The following ATP8B4 variants were observed in gnomAD, a reference collection of about 807,000 sequenced individuals.
The protein encoded by ATP8B4 is ATPase phospholipid transporting 8B4 (putative), also known as probable phospholipid-transporting ATPase IM.
ATP8B4 carries 133 observed loss-of-function variants against 145.6 expected under a neutral mutation model. That is an observed-to-expected ratio of 0.91 (90% CI 0.79 to 1.05). ATP8B4 has a LOEUF of 1.05. Ranked by LOEUF, ATP8B4 falls within the 50% of genes least tolerant of loss-of-function variation. The pLI is 0.00. For missense variants in ATP8B4, 1,458 were observed against 1,425.2 expected, an observed-to-expected ratio of 1.02 and a Z score of -0.37; for synonymous variants, 507 against 492.9, an observed-to-expected ratio of 1.03 and a Z score of -0.38.
intron 14 of ATP8B4, among the ~76,000 whole-genome samples, chr15:49,936,776 CTTAG>C (rs1206186594): frequency 1.3e-5 from 2 of 151,970 alleles, no homozygotes; most frequent in Non-Finnish European, 2.9e-5. Flanking sequence ...AGAAAACAGT[CTTAG>C]TTAAATTTTG....
chr15:50,127,564 T>C (rs1028752206), intron 1 of ATP8B4, among the ~76,000 whole-genome samples: 4 of 152,200 alleles, frequency 2.6e-5, no homozygotes, highest in African/African-American at 4.8e-5. Flanking sequence ...TAGGCAAGAA[T>C]TGAGTCATGG....
intron 3 of ATP8B4, among the ~76,000 whole-genome samples, chr15:50,065,106 A>G (rs2053288113): frequency 6.6e-6 from 1 of 152,204 alleles, no homozygotes; most frequent in African/African-American, 2.4e-5. Flanking sequence ...AAGTGTTCTC[A>G]TCATAAAAAA....
intron 2 of ATP8B4, among the ~76,000 whole-genome samples, chr15:50,092,216 A>G (rs2055656135): frequency 6.6e-6 from 1 of 152,106 alleles, no homozygotes; most frequent in Non-Finnish European, 1.5e-5. Flanking sequence ...TTCAGCCTCA[A>G]AAGTATCTCG....
intron 23 of ATP8B4, chr15:49,896,170 A>T (rs1566944931): frequency 1.3e-5 from 2 of 151,974 alleles, no homozygotes; most frequent in South Asian, 4.2e-4. Context: ...TAAAATCAAG[A>T]CTCTGCTTTA....
At chr15:50,132,033 C>G (rs75693762) in intron 1 of ATP8B4, among the ~76,000 whole-genome samples, 83 of 96,278 alleles carry the variant, frequency 8.6e-4, no homozygotes, top group African/African-American at 2.8e-3. Context: ...GCCATTGTTT[C>G]TATGCCTGAT....
chr15:50,062,789 A>T (rs1259381512), intron 3 of ATP8B4, among the ~76,000 whole-genome samples: 1 of 152,178 alleles, frequency 6.6e-6, no homozygotes, highest in Non-Finnish European at 1.5e-5. Flanking sequence ...AAAAAAATCA[A>T]ATATTCCTTT....
intron 2 of ATP8B4, among the ~76,000 whole-genome samples, chr15:50,095,309 G>C (rs1338489232): frequency 2.0e-5 from 3 of 152,134 alleles, no homozygotes; most frequent in African/African-American, 7.2e-5. Flanking sequence ...AAAAGAAAGA[G>C]AGCATGTGGC....
At chr15:50,086,369 TATAATAAA>T (rs1255035566) in intron 2 of ATP8B4, among the ~76,000 whole-genome samples, 1 of 49,108 alleles carries the variant, frequency 2.0e-5, no homozygotes, top group Non-Finnish European at 3.1e-5. Context: ...ATTTATTATA[TATAATAAA>T]ATAATATAGA....
chr15:49,905,804 T>C (rs917563395), intron 20 of ATP8B4, among the ~76,000 whole-genome samples: 1 of 152,136 alleles, frequency 6.6e-6, no homozygotes, highest in Non-Finnish European at 1.5e-5. Context: ...CAACATCAGA[T>C]AATACAAACA....
At chr15:49,932,858 T>C (rs776216290) in intron 15 of ATP8B4, among the ~76,000 whole-genome samples, 4 of 152,014 alleles carry the variant, frequency 2.6e-5, no homozygotes, top group Non-Finnish European at 5.9e-5. Flanking sequence ...CATGCCCCCT[T>C]GAAGAGGGCT....
chr15:49,879,225 G>A, intron 24 of ATP8B4, 151 bp downstream of exon 24: 1 of 672,196 alleles, frequency 1.5e-6, no homozygotes, highest in South Asian at 2.0e-5. Context: ...AGGCACAGTG[G>A]ACCTGGAAGC....
At chr15:49,953,174 G>T (rs577934764) in intron 14 of ATP8B4, among the ~76,000 whole-genome samples, 2 of 151,972 alleles carry the variant, frequency 1.3e-5, no homozygotes, top group Admixed American at 6.6e-5. Flanking sequence ...CCTGTTGAAG[G>T]GTCTCGCCCA....
intron 10 of ATP8B4, among the ~76,000 whole-genome samples, chr15:49,984,721 G>A (rs764624732): frequency 1.2e-4 from 18 of 151,920 alleles, no homozygotes; most frequent in Non-Finnish European, 1.9e-4. Flanking sequence ...AGAAGTACAA[G>A]GTAACCTATT....
intron 3 of ATP8B4, among the ~76,000 whole-genome samples, chr15:50,061,620 C>T (rs538032979): frequency 1.3e-5 from 2 of 152,080 alleles, no homozygotes; most frequent in Non-Finnish European, 2.9e-5. Context: ...TTCCAGTATA[C>T]CCTGGAAGTA....
At chr15:49,967,578 A>G (rs2044671215) in intron 13 of ATP8B4, among the ~76,000 whole-genome samples, 1 of 152,218 alleles carries the variant, frequency 6.6e-6, no homozygotes, top group Non-Finnish European at 1.5e-5. Flanking sequence ...TAGAGAAAAA[A>G]GAATGAAAAG....
chr15:50,070,316 A>C (rs961890411), intron 3 of ATP8B4, among the ~76,000 whole-genome samples: 1 of 152,074 alleles, frequency 6.6e-6, no homozygotes, highest in African/African-American at 2.4e-5. Flanking sequence ...AAAAAAAAAA[A>C]GCTTAAAATC....
chr15:49,873,422 C>T (rs2033937288), intron 25 of ATP8B4, among the ~76,000 whole-genome samples: 1 of 152,068 alleles, frequency 6.6e-6, no homozygotes, highest in African/African-American at 2.4e-5. Context: ...ATGGCATATT[C>T]ATACGGTGGA....
chr15:49,993,527 C>T (rs550252432), intron 9 of ATP8B4, among the ~76,000 whole-genome samples: 1 of 152,246 alleles, frequency 6.6e-6, no homozygotes, highest in African/African-American at 2.4e-5. Flanking sequence ...CTTTCAAAGA[C>T]TTCCATGCCG....
intron 14 of ATP8B4, among the ~76,000 whole-genome samples, chr15:49,947,531 T>C (rs34707020): frequency 0.38 from 57,337 of 151,490 alleles, 11,462 homozygotes; most frequent in African/African-American, 0.42. Context: ...GAAGACTTAA[T>C]ATTGTTAAAA....
Sources: allele counts gnomAD v4.1 joint callset (sites outside exome capture counted in the v4.1 genomes callset), GRCh38; gene constraint gnomAD v4.1.1; transcripts MANE v1.5; gene names NCBI Gene and HGNC (gene_info 2026-07-23, HGNC 2026-07-21).